TOE1: variants seen among roughly 807,000 people sequenced by gnomAD.
TOE1 encodes target of EGR1, exonuclease.
TOE1 carries 50 observed loss-of-function variants against 49.2 expected under a neutral mutation model. The observed-to-expected ratio is 1.02, with a 90% CI of 0.81 to 1.29. The LOEUF (loss-of-function observed/expected upper bound fraction) is 1.29. Ranked by LOEUF, TOE1 falls within the 50% of genes most tolerant of loss-of-function variation. TOE1 has a pLI of 0.00. For missense variants in TOE1, 544 were observed against 654.4 expected (o/e 0.83, Z 1.84); for synonymous variants, 221 against 247.0 (o/e 0.89, Z 0.99).
chr1:45,343,931 G>T lies in TOE1; in HGVS notation c.*229G>T. ...TTAAGTCTGAAAATGTCTTGGGAAA[G>T]TTTTACAAAAAAAAAAATCAACAGA... On this transcript the variant is annotated 3_prime_UTR_variant, in exon 8 of 8. Coordinates refer to ENST00000372090, the MANE Select transcript of TOE1 (RefSeq NM_025077.4). This position sits in a 1 kb window ranked among gnomAD's most constrained non-coding sequence, Gnocchi z 4.3. 3.7e-5 allele frequency: 15 copies of T among 400,434 alleles called. No individual in the cohort carries two copies. The highest frequency in any genetic ancestry group is 1.2e-4 in the South Asian group (2 of 16,526). 24.8% of individuals were successfully genotyped at this position (400,434 alleles called of 1,614,324 possible). A position where few individuals can be genotyped will look rare whatever the true frequency, so the allele number is the denominator to read the frequency against.
Position 45,343,937 on chromosome 1 carries a change from C to CAAA in TOE1, c.*244_*246dup. The CAAA allele has an allele frequency of 2.9e-6, 1 of 342,110 alleles. No individual in the cohort carries two copies. Among genetic ancestry groups the CAAA allele is most frequent in the South Asian group, 6.5e-5 (1 of 15,424 alleles). The allele number at this position is 342,110 out of a possible 1,614,324, so 21.2% of individuals were successfully genotyped here. Reference sequence around the variant, plus strand: ...CTGAAAATGTCTTGGGAAAGTTTTACAAAAAAAAAAATCAACAGAAGCAAG... The same window carrying CAAA: ...CTGAAAATGTCTTGGGAAAGTTTTACAAAAAAAAAAAAAATCAACAGAAGCAAG... On this transcript the variant is annotated 3_prime_UTR_variant, in exon 8 of 8. Coordinates refer to ENST00000372090, the MANE Select transcript of TOE1 (RefSeq NM_025077.4). This position sits in a 1 kb window ranked among gnomAD's most constrained non-coding sequence, Gnocchi z 4.3.
intron 5 of TOE1, 62 bp from the exon 6 acceptor site, chr1:45,342,322 C>G: frequency 6.3e-7 from 1 of 1,583,922 alleles, no homozygotes; most frequent in Non-Finnish European, 8.6e-7. Context: ...GGATAAGTGC[C>G]CAGCAGAAGA....
At chr1:45,340,623 C>T (rs999592959) in intron 1 of TOE1, 4 of 1,305,830 alleles carry the variant, frequency 3.1e-6, no homozygotes, top group Non-Finnish European at 3.9e-6. Context: ...GTATTGGGAG[C>T]TCTGGTGTGG....
chr1:45,342,185 G>A (rs2149259397), intron 5 of TOE1, 78 bp downstream of exon 5: 2 of 1,564,724 alleles, frequency 1.3e-6, no homozygotes, highest in East Asian at 2.3e-5. Context: ...TGGATGTCTG[G>A]GGAGAATCTG....
In TOE1 at chr1:45,343,562, T is replaced by C. The variant is rs761453161; in HGVS notation, c.1393T>C (p.Ser465Pro). The change falls in exon 8 of 8, where the codon TCT (serine) becomes CCT (proline). Residue 465 changes from serine to proline, a missense_variant. Ser to Pro is a moderately conservative substitution (Grantham distance 74). Transcript: ENST00000372090. The surrounding 1 kb of genome is among the most constrained non-coding windows in gnomAD (Gnocchi z 4.3). ...EVSQGPQPCS[S>P]GPWLPECHNK... is the part of the protein sequence containing the mutation. ...GAGCCAGGGACCGCAGCCCTGCAGCTCTGGACCCTGGCTCCCTGAATGCCA... is the reference window on the plus strand; with the variant it reads ...GAGCCAGGGACCGCAGCCCTGCAGCCCTGGACCCTGGCTCCCTGAATGCCA... 5.0e-6 allele frequency: 8 copies of C among 1,614,032 alleles called. No individual in the cohort carries two copies. The highest frequency in any genetic ancestry group is 6.8e-6 in the Non-Finnish European group (8 of 1,180,010).
intron 3 of TOE1, 24 bp from the exon 4 acceptor site, chr1:45,341,449 G>A: frequency 2.5e-6 from 4 of 1,614,064 alleles, no homozygotes; most frequent in East Asian, 2.2e-5. Context: ...CCTAGCCACA[G>A]CAACCCCCAT....
chr1:45,343,804 T>A lies in TOE1; in HGVS notation c.*102T>A. ...TACTGAGTTTAGGGGAGGGGGAATG[T>A]CTTGACAGACATCACTGCATTGCCC... On this transcript the variant is annotated 3_prime_UTR_variant, in exon 8 of 8. Transcript: ENST00000372090. This position sits in a 1 kb window ranked among gnomAD's most constrained non-coding sequence, Gnocchi z 4.3. 1 of 1,388,578 alleles carries A rather than the reference T, an allele frequency of 7.2e-7. No individual in the cohort carries two copies. Among genetic ancestry groups the A allele is most frequent in the East Asian group, 2.3e-5 (1 of 43,440 alleles). The allele number at this position is 1,388,578 out of a possible 1,614,324, so 86.0% of individuals were successfully genotyped here.
Position 45,341,520 on chromosome 1 carries a change from G to T in TOE1, c.284G>T (p.Arg95Leu), listed in dbSNP as rs757111560. The T allele has an allele frequency of 6.2e-7, 1 of 1,613,886 alleles. No individual in the cohort carries two copies. Among genetic ancestry groups the T allele is most frequent in the African/African-American group, 1.3e-5 (1 of 74,870 alleles). The change falls in exon 4 of 8, where the codon CGT becomes CTT. Residue 95 changes from arginine (R) to leucine (L), a missense_variant. Transcript: ENST00000372090. ...YKAVCHAARTRSILSLGLACF... is the reference protein window; with the variant it reads ...YKAVCHAARTLSILSLGLACF... ...GCCGTGTGTCATGCTGCCAGGACCC[G>T]TTCTATCCTTTCCCTGGGCCTCGCC...
rs538952271 is a variant in TOE1, at chr1:45,342,401, C to T, written c.510C>T (p.Ser170=). ...TCATCTAGGGTGATGAGAGCCAGAG[C>T]CAGTCAGTACGGACCCTATTCCTGG... is the stretch of plus-strand genomic sequence containing the variant. ...KGNDKGDESQ[S]QSVRTLFLEL... is the part of the protein sequence containing the mutation. Residue 170 remains serine (S), a synonymous_variant, in exon 6 of 8, where the codon AGC becomes AGT. Coordinates refer to ENST00000372090, the MANE Select transcript of TOE1 (RefSeq NM_025077.4). The T allele has an allele frequency of 1.2e-6, 2 of 1,614,032 alleles. No individual in the cohort carries two copies. Among genetic ancestry groups the T allele is most frequent in the African/African-American group, 2.7e-5 (2 of 74,972 alleles).
rs751833954 is a variant in TOE1 at position 45,343,015 on chromosome 1, A to C, written c.912+13A>C. 1 of 1,610,494 alleles carries C rather than the reference A, an allele frequency of 6.2e-7. No homozygotes were observed. The stretch of plus-strand genomic sequence containing the variant: ...TGACAACTTCTCGGTGAGAGCACCC[A>C]CCTGTTTCTTGGGAGGGAAGGTTCT... On this transcript the variant is annotated intron_variant, in intron 7 of 7. Coordinates refer to ENST00000372090, the MANE Select transcript of TOE1 (RefSeq NM_025077.4). This position sits in a 1 kb window ranked among gnomAD's most constrained non-coding sequence, Gnocchi z 4.3.
intron 4 of TOE1, 129 bp from the exon 5 acceptor site, chr1:45,341,818 CTT>C: frequency 2.0e-6 from 2 of 1,024,592 alleles, no homozygotes; most frequent in Non-Finnish European, 2.9e-6. Context: ...AATGCGTAGT[CTT>C]TTATCCCTCA....
intron 4 of TOE1, 80 bp from the exon 5 acceptor site, chr1:45,341,869 A>G (rs375410445): frequency 1.4e-6 from 2 of 1,466,856 alleles, no homozygotes; most frequent in East Asian, 2.3e-5. Flanking sequence ...CCCAGAGTCC[A>G]TTGTATCATT....
Position 45,341,328 on chromosome 1 carries a change from A to C in TOE1, c.221A>C (p.Lys74Thr). Residue 74 changes from lysine to threonine, a missense_variant, in exon 3 of 8, where the codon AAG (lysine) becomes ACG (threonine). Transcript: ENST00000372090. The stretch of plus-strand genomic sequence containing the variant: ...GAGCTGAGTGGGCTTGGGGACAGGA[A>C]GAGTTTGCTGAACCAGTAAGTATAA... ...DTELSGLGDRKSLLNQCIEER... is the reference protein window; with the variant it reads ...DTELSGLGDRTSLLNQCIEER... 6.2e-7 allele frequency: 1 copy of C among 1,614,184 alleles called. No homozygotes were observed. The highest frequency in any genetic ancestry group is 1.1e-5 in the South Asian group (1 of 91,086).
At chr1:45,340,664 G>C in intron 1 of TOE1, 1 of 1,122,064 alleles carries the variant, frequency 8.9e-7, no homozygotes, top group Non-Finnish European at 1.2e-6. Context: ...CTTACTGGGA[G>C]CTGTTGCTTG....
intron 1 of TOE1, 37 bp from the exon 2 acceptor site, chr1:45,341,036 C>T: frequency 6.2e-7 from 1 of 1,613,426 alleles, no homozygotes; most frequent in Non-Finnish European, 8.5e-7. Flanking sequence ...GGGCTCTTTC[C>T]TTAAGCATGA....
intron 4 of TOE1, 64 bp downstream of exon 4, chr1:45,341,633 G>A (rs1301594620): frequency 3.5e-6 from 5 of 1,432,248 alleles, no homozygotes; most frequent in Non-Finnish European, 3.8e-6. Flanking sequence ...GAGATTCTAG[G>A]GAACATCAGA....
chr1:45,341,942 C>A lies in TOE1; in HGVS notation c.334-7C>A. ...ATCTTGATATAGCAGACTTCTCTTT[C>A]TCCCAGGGTGAACATTCCTATCTGG... On this transcript the variant is annotated splice_region_variant and splice_polypyrimidine_tract_variant and intron_variant, in intron 4 of 7. Coordinates refer to ENST00000372090, the MANE Select transcript of TOE1 (RefSeq NM_025077.4). The A allele has an allele frequency of 6.2e-7, 1 of 1,613,478 alleles. No homozygotes were observed. Among genetic ancestry groups the A allele is most frequent in the Non-Finnish European group, 8.5e-7 (1 of 1,179,498 alleles).
At chr1:45,341,667 CTTT>C (rs981224578) in intron 4 of TOE1, 98 bp downstream of exon 4, 1 of 1,096,108 alleles carries the variant, frequency 9.1e-7, no homozygotes, top group African/African-American at 1.7e-5. Flanking sequence ...TCTCCCAAAT[CTTT>C]TTTTTTGACT....
Position 45,340,206 on chromosome 1 carries a change from A to T in TOE1, c.-47A>T. 1.2e-6 allele frequency: 2 copies of T among 1,613,692 alleles called. No individual in the cohort carries two copies. Among genetic ancestry groups the T allele is most frequent in the Non-Finnish European group, 8.5e-7 (1 of 1,180,000 alleles). On this transcript the variant is annotated 5_prime_UTR_variant, in exon 1 of 8. Transcript: ENST00000372090. ...TGAACCGCGCCAGGAGACGGACCGC[A>T]AGTCCAGCGTACCCACAGACGACTC...
Sources: gnomAD v4.1 joint callset for allele counts on GRCh38, gnomAD v4.1.1 for gene constraint, Gnocchi (gnomAD v3.1) non-coding constraint, MANE v1.5 for transcripts, NCBI Gene and HGNC (gene_info 2026-07-23, HGNC 2026-07-21) for gene names.